The following TUBB4A variants were observed in gnomAD, a reference collection of about 807,000 sequenced individuals.
TUBB4A encodes the protein tubulin beta 4A class IVa, also known as tubulin beta-4A chain.
TUBB4A carries 13 observed loss-of-function variants against 35.1 expected under a neutral mutation model. That is an observed-to-expected ratio of 0.37 (90% CI 0.24 to 0.59). TUBB4A has a LOEUF of 0.59. TUBB4A is among the 20% of genes least tolerant of loss of function. The pLI is 0.71. For missense variants in TUBB4A, 299 were observed against 647.2 expected, an observed-to-expected ratio of 0.46 and a Z score of 5.84; for synonymous variants, 279 against 272.4, an observed-to-expected ratio of 1.02 and a Z score of -0.24.
intron 3 of TUBB4A, among the ~76,000 whole-genome samples, chr19:6,499,921 A>G (rs939936854): frequency 2.0e-5 from 3 of 151,874 alleles, no homozygotes; most frequent in African/African-American, 7.2e-5. Context: ...CCTCCCGAGT[A>G]GCTGGGATTA....
intron 3 of TUBB4A, 138 bp from the exon 4 acceptor site, chr19:6,496,359 G>C (rs1914188486): frequency 1.2e-6 from 1 of 867,458 alleles, no homozygotes; most frequent in African/African-American, 1.7e-5. Flanking sequence ...GCCGGGTGCG[G>C]TGGCTCACAC....
At position 6,502,290 on chromosome 19, in the gene TUBB4A, C is replaced by G. The variant is rs1298452360; in HGVS notation, c.-78G>C. On this transcript the variant is annotated 5_prime_UTR_variant, in exon 1 of 4. Coordinates refer to ENST00000264071, the MANE Select transcript of TUBB4A (RefSeq NM_006087.4). ...GCGGCGGCGGCGAGGGTGGAAGATG[C>G]GGCGGAGACGGCGGAGCACGGTCCC... The G allele has an allele frequency of 1.4e-6, 2 of 1,405,578 alleles. No homozygotes were observed. Among genetic ancestry groups the G allele is most frequent in the East Asian group, 2.9e-5 (1 of 34,866 alleles). The allele number at this position is 1,405,578 out of a possible 1,614,324, so 87.1% of individuals were successfully genotyped here. A position where few individuals can be genotyped will look rare whatever the true frequency, so the allele number is the denominator to read the frequency against.
At position 6,494,873 on chromosome 19, in the gene TUBB4A, T is replaced by G; in HGVS notation, c.*291A>C. On this transcript the variant is annotated 3_prime_UTR_variant, in exon 4 of 4. Transcript: ENST00000264071. ...AGCAGAAGTCAGGGGTGAAGGAAGG[T>G]CTGCAAAGTTAAAGGTGCGGTTTCC... 1.9e-6 allele frequency: 1 copy of G among 524,784 alleles called. No individual in the cohort carries two copies. The highest frequency in any genetic ancestry group is 2.3e-5 in the South Asian group (1 of 43,542). 32.5% of individuals were successfully genotyped at this position (524,784 alleles called of 1,614,324 possible). A position where few individuals can be genotyped will look rare whatever the true frequency, so the allele number is the denominator to read the frequency against.
At chr19:6,497,025 ATATATATATATATATATATAT>A (rs1382204935) in intron 3 of TUBB4A, among the ~76,000 whole-genome samples, 8 of 8,418 alleles carry the variant, frequency 9.5e-4, no homozygotes, top group African/African-American at 2.5e-3. Flanking sequence ...AAAAAAAAAA[ATATATATATATATATATATAT>A]ATATATATAT....
chr19:6,494,328 A>G lies in TUBB4A; in HGVS notation c.*836T>C, dbSNP rs1178098492. ...GGATTCGGCAGAAACATCCATGACA[A>G]CAATTAATTTATTTATTGAGGGTGA... On this transcript the variant is annotated 3_prime_UTR_variant, in exon 4 of 4. Coordinates refer to ENST00000264071, the MANE Select transcript of TUBB4A (RefSeq NM_006087.4). 6.6e-6 allele frequency: 1 copy of G among 152,320 alleles called. No homozygotes were observed. Among genetic ancestry groups the G allele is most frequent in the East Asian group, 1.9e-4 (1 of 5,188 alleles). 9.4% of individuals were successfully genotyped at this position (152,320 alleles called of 1,614,324 possible).
upstream of TUBB4A, chr19:6,502,337 A>G (rs1395010756): frequency 7.1e-6 from 8 of 1,128,020 alleles, no homozygotes; most frequent in Non-Finnish European, 9.4e-6. Context: ...GAGCCGCTAT[A>G]TGAGCGGGCG....
intron 3 of TUBB4A, among the ~76,000 whole-genome samples, chr19:6,500,295 A>G (rs1914471914): frequency 6.6e-6 from 1 of 151,344 alleles, no homozygotes. Context: ...CACTCAGCTA[A>G]TTAAAATTTT....
chr19:6,502,360 C>T, upstream of TUBB4A: 2 of 857,974 alleles, frequency 2.3e-6, no homozygotes, highest in Non-Finnish European at 3.3e-6. Flanking sequence ...GCACGCGTCA[C>T]GGCCGGTCAC....
Position 6,496,127 on chromosome 19 carries a change from G to T in TUBB4A, c.372C>A (p.Ala124=). The T allele has an allele frequency of 6.2e-7, 1 of 1,614,160 alleles. No individual in the cohort carries two copies. The highest frequency in any genetic ancestry group is 8.5e-7 in the Non-Finnish European group (1 of 1,180,034). Residue 124 remains alanine (A), a synonymous_variant, in exon 4 of 4, where the codon GCC becomes GCA. Coordinates refer to ENST00000264071, the MANE Select transcript of TUBB4A (RefSeq NM_006087.4). ...AGCCCTGAAGGCAGTCGCAGCTCTCGGCCTCCTTCCGGACTACGTCCAGGA... is the reference window on the plus strand; with the variant it reads ...AGCCCTGAAGGCAGTCGCAGCTCTCTGCCTCCTTCCGGACTACGTCCAGGA... ...DAVLDVVRKE[A]ESCDCLQGFQ...
intron 3 of TUBB4A, among the ~76,000 whole-genome samples, chr19:6,497,661 G>A (rs766848524): frequency 5.3e-4 from 81 of 152,090 alleles, no homozygotes; most frequent in Non-Finnish European, 8.4e-4. Context: ...TTGGCCAGGC[G>A]CAGTGGCTCA....
Position 6,501,091 on chromosome 19 carries a change from T to A in TUBB4A, c.277+196A>T, listed in dbSNP as rs564826980. ...CTCCAGGAAGACTTCCCTGAATCCT[T>A]CTCTGTATCCGCCCTCCTCAGGGCT... On this transcript the variant is annotated intron_variant, in intron 3 of 3. Transcript: ENST00000264071. The surrounding 1 kb of genome is among the most constrained non-coding windows in gnomAD (Gnocchi z 4.2). The A allele has an allele frequency of 1.8e-6, 1 of 552,842 alleles. No homozygotes were observed. Among genetic ancestry groups the A allele is most frequent in the Admixed American group, 3.3e-5 (1 of 30,020 alleles). The allele number at this position is 552,842 out of a possible 1,614,324, so 34.2% of individuals were successfully genotyped here.
rs759252824 is a variant in TUBB4A at position 6,502,276 on chromosome 19, G to A, written c.-64C>T. On this transcript the variant is annotated 5_prime_UTR_variant, in exon 1 of 4. Transcript: ENST00000264071. Reference sequence around the variant, plus strand: ...GAGCGCGGGGAGCTGCGGCGGCGGCGAGGGTGGAAGATGCGGCGGAGACGG... The same window carrying A: ...GAGCGCGGGGAGCTGCGGCGGCGGCAAGGGTGGAAGATGCGGCGGAGACGG... 2.1e-6 allele frequency: 3 copies of A among 1,456,516 alleles called. No homozygotes were observed. The highest frequency in any genetic ancestry group is 1.4e-5 in the South Asian group (1 of 73,414). The allele number at this position is 1,456,516 out of a possible 1,614,324, so 90.2% of individuals were successfully genotyped here.
At position 6,496,179 on chromosome 19, in the gene TUBB4A, G is replaced by A; in HGVS notation, c.320C>T (p.Thr107Met). ...AGNNWAKGHYTEGAELVDAVL... is the reference protein window; with the variant it reads ...AGNNWAKGHYMEGAELVDAVL... ...AGCGTCCACCAGCTCTGCGCCCTCC[G>A]TGTAGTGCCCCTTTGCCCAGTTGTT... The change falls in exon 4 of 4, where the codon ACG becomes ATG. Residue 107 changes from threonine to methionine, a missense_variant. Coordinates refer to ENST00000264071, the MANE Select transcript of TUBB4A (RefSeq NM_006087.4). The A allele has an allele frequency of 6.2e-7, 1 of 1,613,902 alleles. No individual in the cohort carries two copies. Among genetic ancestry groups the A allele is most frequent in the Non-Finnish European group, 8.5e-7 (1 of 1,179,910 alleles).
At position 6,495,875 on chromosome 19, in the gene TUBB4A, G is replaced by T; in HGVS notation, c.624C>A (p.Tyr208Ter). 1 of 1,614,210 alleles carries T rather than the reference G, an allele frequency of 6.2e-7. No homozygotes were observed. Among genetic ancestry groups the T allele is most frequent in the Non-Finnish European group, 8.5e-7 (1 of 1,180,042 alleles). Residue 208 changes from tyrosine (Y) to a stop codon, truncating the protein, a stop_gained, in exon 4 of 4, where the codon TAC becomes TAA. Transcript: ENST00000264071. LOFTEE classifies it high-confidence loss of function. This position sits in a 1 kb window ranked among gnomAD's most constrained non-coding sequence, Gnocchi z 8.7. ...GCTTGAGGGTGCGGAAACAGATGTC[G>T]TAGAGTGCCTCGTTGTCGATGCAGT... ...ETYCIDNEAL[Y>*]DICFRTLKLT...
intron 3 of TUBB4A, among the ~76,000 whole-genome samples, chr19:6,496,734 T>C (rs1356488262): frequency 2.7e-5 from 4 of 149,850 alleles, no homozygotes; most frequent in African/African-American, 7.4e-5. Flanking sequence ...GGCAAGAGAA[T>C]TGCTTGAACC....
Position 6,495,851 on chromosome 19 carries a change from C to T in TUBB4A, c.648G>A (p.Lys216=), listed in dbSNP as rs1340386353. The change falls in exon 4 of 4, where the codon AAG becomes AAA. Residue 216 remains lysine (K), a synonymous_variant. Coordinates refer to ENST00000264071, the MANE Select transcript of TUBB4A (RefSeq NM_006087.4). This position sits in a 1 kb window ranked among gnomAD's most constrained non-coding sequence, Gnocchi z 8.7. ...GGTCCCCGTAGGTGGGGGTGGTCAG[C>T]TTGAGGGTGCGGAAACAGATGTCGT... is the stretch of plus-strand genomic sequence containing the variant. ...ALYDICFRTL[K]LTTPTYGDLN... 2 of 1,614,118 alleles carry T rather than the reference C, an allele frequency of 1.2e-6. No individual in the cohort carries two copies. The highest frequency in any genetic ancestry group is 2.2e-5 in the East Asian group (1 of 44,896).
Position 6,501,160 on chromosome 19 carries a change from G to C in TUBB4A, c.277+127C>G. ...TCCCCTCATCACAGCCCTGGATGCA[G>C]GGCTGGTGCCTGGTGCCCTGTCCAC... On this transcript the variant is annotated intron_variant, in intron 3 of 3. Transcript: ENST00000264071. The surrounding 1 kb of genome is among the most constrained non-coding windows in gnomAD (Gnocchi z 4.2). 1.4e-6 allele frequency: 1 copy of C among 710,434 alleles called. No homozygotes were observed. Among genetic ancestry groups the C allele is most frequent in the Non-Finnish European group, 2.3e-6 (1 of 426,220 alleles). The allele number at this position is 710,434 out of a possible 1,614,324, so 44.0% of individuals were successfully genotyped here. A position where few individuals can be genotyped will look rare whatever the true frequency, so the allele number is the denominator to read the frequency against.
intron 3 of TUBB4A, among the ~76,000 whole-genome samples, chr19:6,497,212 T>C (rs1182621214): frequency 2.0e-5 from 3 of 149,100 alleles, no homozygotes; most frequent in Non-Finnish European, 3.0e-5. Context: ...ACCCTGTCTC[T>C]AAAACAAATA....
In TUBB4A at chr19:6,494,999, C is replaced by T. The variant is rs1914052590; in HGVS notation, c.*165G>A. ...TTAGGGCTCAAAGGGGAGCCAGGGTCGGAGATGAAGTAGCCAGAGGTAAAG... is the reference window on the plus strand; with the variant it reads ...TTAGGGCTCAAAGGGGAGCCAGGGTTGGAGATGAAGTAGCCAGAGGTAAAG... On this transcript the variant is annotated 3_prime_UTR_variant, in exon 4 of 4. Transcript: ENST00000264071. 6 of 792,484 alleles carry T rather than the reference C, an allele frequency of 7.6e-6. No homozygotes were observed. The highest frequency in any genetic ancestry group is 2.7e-5 in the East Asian group (1 of 37,218). 49.1% of individuals were successfully genotyped at this position (792,484 alleles called of 1,614,324 possible).
Sources: allele counts gnomAD v4.1 joint callset (sites outside exome capture counted in the v4.1 genomes callset), GRCh38; gene constraint gnomAD v4.1.1; non-coding constraint Gnocchi (gnomAD v3.1); transcripts MANE v1.5; gene names NCBI Gene and HGNC (gene_info 2026-07-23, HGNC 2026-07-21).